SCMH1: variants seen among roughly 807,000 people sequenced by gnomAD.
SCMH1 encodes Scm polycomb group protein homolog 1.
In SCMH1, 37 loss-of-function variants were observed where a neutral mutation model predicts 70.8. The ratio of observed to expected loss-of-function variants is 0.52; its 90% CI spans 0.40 to 0.69. The LOEUF (loss-of-function observed/expected upper bound fraction) is 0.69, where lower values mean the gene tolerates loss of function less well. SCMH1 is among the 30% of genes least tolerant of loss of function. SCMH1 has a pLI of 0.00. For missense variants in SCMH1, 607 were observed against 827.3 expected (o/e 0.73, Z 3.27); for synonymous variants, 292 against 307.4 (o/e 0.95, Z 0.52).
chr1:41,206,172 T>C (rs11209686), intron 1 of SCMH1, among the ~76,000 whole-genome samples: 147,389 of 152,310 alleles, frequency 0.97, 71,353 homozygotes, highest in Admixed American at 0.99. Context: ...AGCAACAGAA[T>C]AAAGCTGGAT....
rs577949557 is a variant in SCMH1 at position 41,104,104 on chromosome 1, C to G, written c.745+9179G>C. Among the ~76,000 whole-genome samples, 13 of 152,248 alleles carry G rather than the reference C, an allele frequency of 8.5e-5. No individual in the cohort carries two copies. In the South Asian group the frequency reaches 2.7e-3, roughly 32 times the overall value. ...AGGCCTGGGGATCTTGATTCAGATG[C>G]AACTAACGCACAGTGGGCATCTACT... On this transcript the variant is annotated intron_variant, in intron 8 of 14. Transcript: ENST00000337495.
chr1:41,032,332 A>C (rs1247016358), intron 13 of SCMH1, among the ~76,000 whole-genome samples: 2 of 152,198 alleles, frequency 1.3e-5, no homozygotes, highest in Non-Finnish European at 2.9e-5. Context: ...TTATATGGTG[A>C]TTAGGAGAGA....
intron 2 of SCMH1, among the ~76,000 whole-genome samples, chr1:41,163,787 C>G (rs1646229982): frequency 6.6e-6 from 1 of 152,118 alleles, no homozygotes; most frequent in Non-Finnish European, 1.5e-5. Flanking sequence ...TTTGTTACAG[C>G]AGCCCTGGAA....
At chr1:41,205,328 C>T (rs1655265402) in intron 1 of SCMH1, among the ~76,000 whole-genome samples, 1 of 152,346 alleles carries the variant, frequency 6.6e-6, no homozygotes, top group Non-Finnish European at 1.5e-5. Context: ...AAAATCAGTA[C>T]ACCTCTGCCC....
chr1:41,120,215 G>A (rs1475572866), intron 6 of SCMH1, among the ~76,000 whole-genome samples: 1 of 152,068 alleles, frequency 6.6e-6, no homozygotes, highest in Non-Finnish European at 1.5e-5. Context: ...GGGTTACTGG[G>A]GGGTTTCTAT....
In SCMH1 at chr1:41,146,738, C is replaced by T. The variant is rs191924078; in HGVS notation, c.178-3626G>A. On this transcript the variant is annotated intron_variant, in intron 5 of 14. Coordinates refer to ENST00000337495, the Ensembl canonical transcript of SCMH1. ...TGTGCAAGTATATTCTATGTTCACA[C>T]GACGATGAAATTGCTTAACAATTCA... is the stretch of plus-strand genomic sequence containing the variant. 2.0e-5 allele frequency among the ~76,000 whole-genome samples: 3 copies of T among 152,190 alleles called. No homozygotes were observed. The East Asian group carries it at 5.8e-4, about 29-fold the overall frequency.
intron 1 of SCMH1, among the ~76,000 whole-genome samples, chr1:41,234,514 C>A (rs1388305107): frequency 3.5e-5 from 4 of 113,772 alleles, no homozygotes; most frequent in Admixed American, 1.3e-4. Context: ...GTCATCCAGG[C>A]TGGAGTGCAG....
chr1:41,132,422 T>A lies in SCMH1; in HGVS notation c.412+10456A>T, dbSNP rs1448922021. ...TTGTGTTTTTCTTGTAAATTTGTTT[T>A]TCTTTGTAAATTCTGGGTATTAGCC... On this transcript the variant is annotated intron_variant, in intron 6 of 14. Coordinates refer to ENST00000337495, the Ensembl canonical transcript of SCMH1. Among the ~76,000 whole-genome samples the A allele has an allele frequency of 2.0e-5, 3 of 151,646 alleles. No individual in the cohort carries two copies. The East Asian group carries it at 5.8e-4, about 29-fold the overall frequency.
At chr1:41,083,953 T>G (rs2148965990) in intron 8 of SCMH1, among the ~76,000 whole-genome samples, 1 of 152,300 alleles carries the variant, frequency 6.6e-6, no homozygotes, top group South Asian at 2.1e-4. Context: ...ATCCCTTCCT[T>G]ACACCTTATA....
At chr1:41,093,559 T>A in intron 8 of SCMH1, among the ~76,000 whole-genome samples, 1 of 152,266 alleles carries the variant, frequency 6.6e-6, no homozygotes, top group African/African-American at 2.4e-5. Context: ...AAAGTTGAAA[T>A]AATACTAATA....
chr1:41,033,508 T>G (rs1571184433), intron 13 of SCMH1, among the ~76,000 whole-genome samples: 1 of 152,222 alleles, frequency 6.6e-6, no homozygotes, highest in East Asian at 1.9e-4. Flanking sequence ...GGAAGTGACT[T>G]GCCCTGTCTT....
At chr1:41,195,651 G>C (rs375789876) in intron 1 of SCMH1, among the ~76,000 whole-genome samples, 1 of 152,090 alleles carries the variant, frequency 6.6e-6, no homozygotes, top group East Asian at 1.9e-4. Context: ...CTAAGATTAG[G>C]AATAGGACAA....
chr1:41,142,427 C>A (rs575627315), intron 6 of SCMH1, among the ~76,000 whole-genome samples: 7 of 151,982 alleles, frequency 4.6e-5, no homozygotes, highest in Non-Finnish European at 4.4e-5. Flanking sequence ...ATAATGGATT[C>A]GAAGCGAGAA....
chr1:41,192,776 T>C (rs1029489927), intron 1 of SCMH1, among the ~76,000 whole-genome samples: 7 of 152,208 alleles, frequency 4.6e-5, no homozygotes, highest in African/African-American at 1.7e-4. Context: ...CTTTCTTACC[T>C]AGCATACCTA....
In SCMH1 at chr1:41,113,506, G is replaced by A; in HGVS notation, c.522C>T (p.His174=). The change falls in exon 8 of 15, where the codon CAC becomes CAT. Residue 174 remains histidine, a synonymous_variant. Coordinates refer to ENST00000337495, the Ensembl canonical transcript of SCMH1. The surrounding 1 kb of genome is among the most constrained non-coding windows in gnomAD (Gnocchi z 4.3). ...GCTTCATTCCCATTTTGAAGAAGTT[G>A]TGGGAAGGCGATGGTGGCTCCTAGA... 11 of 1,613,814 alleles carry A rather than the reference G, an allele frequency of 6.8e-6. No individual in the cohort carries two copies. The highest frequency in any genetic ancestry group is 9.3e-6 in the Non-Finnish European group (11 of 1,179,882).
At chr1:41,136,334 T>A (rs1234839419) in intron 6 of SCMH1, among the ~76,000 whole-genome samples, 1 of 152,138 alleles carries the variant, frequency 6.6e-6, no homozygotes, top group African/African-American at 2.4e-5. Flanking sequence ...CTTTTCAAAT[T>A]TATCTGCATA....
At chr1:41,183,890 A>AT (rs368681984) in intron 2 of SCMH1, among the ~76,000 whole-genome samples, 1 of 152,152 alleles carries the variant, frequency 6.6e-6, no homozygotes, top group Non-Finnish European at 1.5e-5. Context: ...AGAATGTATT[A>AT]TTTTTTCTAC....
At chr1:41,174,121 T>C (rs550874167) in intron 2 of SCMH1, among the ~76,000 whole-genome samples, 1 of 152,282 alleles carries the variant, frequency 6.6e-6, no homozygotes, top group African/African-American at 2.4e-5. Flanking sequence ...GATAAATGTT[T>C]GAAGGGATTG....
chr1:41,171,376 G>C (rs1345690974), intron 2 of SCMH1, among the ~76,000 whole-genome samples: 1 of 152,084 alleles, frequency 6.6e-6, no homozygotes, highest in East Asian at 1.9e-4. Context: ...ATTACAGACA[G>C]CACTGCTTCT....
Sources: gnomAD v4.1 joint callset for allele counts (sites outside exome capture counted in the v4.1 genomes callset) on GRCh38, gnomAD v4.1.1 for gene constraint, Gnocchi (gnomAD v3.1) non-coding constraint, MANE v1.5 for transcripts, NCBI Gene and HGNC (gene_info 2026-07-23, HGNC 2026-07-21) for gene names.